Variants in TMX3 observed in about 807,000 individuals in gnomAD.
TMX3 encodes thioredoxin related transmembrane protein 3, also known as protein disulfide-isomerase TMX3.
In TMX3, 40 loss-of-function variants were observed where a neutral mutation model predicts 64.4. That is an observed-to-expected ratio of 0.62 (90% CI 0.48 to 0.81). The LOEUF (loss-of-function observed/expected upper bound fraction) is 0.81, where lower values mean the gene tolerates loss of function less well. Among genes scored for constraint, TMX3 ranks in the 30% least tolerant of loss-of-function variants. The probability of loss-of-function intolerance (pLI) is 0.00; values close to 1 mark genes in which losing one functional copy is unlikely to be tolerated. For missense variants in TMX3, 497 were observed against 534.5 expected, an observed-to-expected ratio of 0.93 and a Z score of 0.69; for synonymous variants, 189 against 175.7, an observed-to-expected ratio of 1.08 and a Z score of -0.60.
intron 10 of TMX3, among the ~76,000 whole-genome samples, chr18:68,686,018 T>A (rs1913915948): frequency 2.0e-5 from 3 of 151,994 alleles, no homozygotes; most frequent in Admixed American, 1.3e-4. Context: ...TAAAAGAAAC[T>A]AAAAGGTTAG....
At chr18:68,681,170 T>C (rs912715745) in intron 13 of TMX3, 60 bp from the exon 14 acceptor site, 5 of 1,333,038 alleles carry the variant, frequency 3.8e-6, no homozygotes, top group Admixed American at 5.1e-5. Flanking sequence ...AGTATTCTGA[T>C]ATTCATTTAT....
intron 7 of TMX3, 141 bp downstream of exon 7, chr18:68,697,791 T>C: frequency 3.5e-6 from 2 of 570,794 alleles, no homozygotes; most frequent in Non-Finnish European, 6.0e-6. Context: ...GAAGTGTTTT[T>C]ATTATAAGAA....
rs1207411557 is a variant in TMX3 at position 68,674,101 on chromosome 18, C to T, written c.*2832G>A. 4 of 152,074 alleles carry T rather than the reference C, an allele frequency of 2.6e-5. No homozygotes were observed. The highest frequency in any genetic ancestry group is 5.9e-5 in the Non-Finnish European group (4 of 67,992). The allele number at this position is 152,074 out of a possible 1,614,324, so 9.4% of individuals were successfully genotyped here. ...ACTAACAATATCCACTAAACAAAAA[C>T]AGTACTGCTAATTCACCTGCTCATA... On this transcript the variant is annotated 3_prime_UTR_variant, in exon 16 of 16. Transcript: ENST00000299608.
At position 68,687,674 on chromosome 18, in the gene TMX3, TC is replaced by T; in HGVS notation, c.728del (p.Gly243GlufsTer24). The stretch of plus-strand genomic sequence containing the variant: ...TGTACATATGCTTGTTACCTGTGTC[TC>T]CAAGTTCATACAAGAGGAAGCCATC... ...AMDGFLLYEL[G>X]DTGKLVALAV... On this transcript the variant is annotated frameshift_variant, in exon 10 of 16. Coordinates refer to ENST00000299608, the MANE Select transcript of TMX3 (RefSeq NM_019022.5). LOFTEE classifies it high-confidence loss of function. 3.7e-6 allele frequency: 6 copies of T among 1,609,412 alleles called. No individual in the cohort carries two copies. Among genetic ancestry groups the T allele is most frequent in the Non-Finnish European group, 5.1e-6 (6 of 1,178,164 alleles).
chr18:68,714,671 A>G (rs2031731455), intron 1 of TMX3, among the ~76,000 whole-genome samples: 5 of 152,240 alleles, frequency 3.3e-5, no homozygotes, highest in Admixed American at 3.3e-4. Context: ...CTTCTGCCAC[A>G]ATGAGAAAAA....
chr18:68,686,214 A>G (rs1198232548), intron 10 of TMX3, among the ~76,000 whole-genome samples: 1 of 152,176 alleles, frequency 6.6e-6, no homozygotes, highest in African/African-American at 2.4e-5. Context: ...CTGATGCCTA[A>G]CAGGGGCAAT....
At chr18:68,684,120 G>C in intron 12 of TMX3, 70 bp downstream of exon 12, 3 of 1,138,108 alleles carry the variant, frequency 2.6e-6, no homozygotes, top group Non-Finnish European at 2.6e-6. Flanking sequence ...ATACTACTAA[G>C]TTTGCTTTAC....
intron 8 of TMX3, chr18:68,696,936 T>A: frequency 3.8e-6 from 1 of 261,572 alleles, no homozygotes; most frequent in Non-Finnish European, 7.3e-6. Context: ...TGTAAGCCAA[T>A]TTAGGAGTTT....
intron 14 of TMX3, among the ~76,000 whole-genome samples, chr18:68,680,327 C>G (rs1377170785): frequency 6.6e-6 from 1 of 152,088 alleles, no homozygotes; most frequent in African/African-American, 2.4e-5. Context: ...AAGATGCATG[C>G]TGGTCACAAC....
intron 5 of TMX3, chr18:68,701,096 T>A: frequency 1.1e-6 from 1 of 887,716 alleles, no homozygotes; most frequent in Non-Finnish European, 1.3e-6. Context: ...ATGATTTACT[T>A]AACACAAAAA....
chr18:68,690,054 CTG>C (rs1343398894), intron 9 of TMX3: 1 of 152,166 alleles, frequency 6.6e-6, no homozygotes, highest in African/African-American at 2.4e-5. Context: ...AGTCTTATGA[CTG>C]TCAAAACAAT....
At chr18:68,681,263 T>G (rs1348606677) in intron 13 of TMX3, 153 bp from the exon 14 acceptor site, 1 of 673,552 alleles carries the variant, frequency 1.5e-6, no homozygotes, top group African/African-American at 1.9e-5. Flanking sequence ...GACCTAGTAT[T>G]TACGTGTATT....
chr18:68,697,360 T>G, intron 7 of TMX3, 57 bp from the exon 8 acceptor site: 10 of 944,620 alleles, frequency 1.1e-5, no homozygotes, highest in African/African-American at 1.7e-5. Flanking sequence ...CCAAAATTCA[T>G]TCCTCATTAA....
chr18:68,714,840 C>T, intron 1 of TMX3, 96 bp downstream of exon 1: 1 of 1,500,498 alleles, frequency 6.7e-7, no homozygotes, highest in East Asian at 2.6e-5. Context: ...CCACGAACCC[C>T]GCAGGCCTCG....
chr18:68,695,368 T>C (rs1457815347), intron 8 of TMX3, among the ~76,000 whole-genome samples: 2 of 152,160 alleles, frequency 1.3e-5, no homozygotes, highest in African/African-American at 4.8e-5. Flanking sequence ...CCTTAAAAAA[T>C]TGCTTCCCAT....
intron 4 of TMX3, among the ~76,000 whole-genome samples, chr18:68,703,958 T>TA (rs899299794): frequency 2.0e-5 from 3 of 151,004 alleles, no homozygotes; most frequent in African/African-American, 4.9e-5. Flanking sequence ...AACAAAAATT[T>TA]AAAAAAAAGC....
At chr18:68,713,176 T>G (rs1004437792) in intron 2 of TMX3, among the ~76,000 whole-genome samples, 1 of 152,078 alleles carries the variant, frequency 6.6e-6, no homozygotes, top group Non-Finnish European at 1.5e-5. Context: ...AGAAAAGGAC[T>G]AGAGTAGAAA....
intron 9 of TMX3, among the ~76,000 whole-genome samples, chr18:68,690,785 T>A (rs1400716358): frequency 6.6e-6 from 1 of 152,192 alleles, no homozygotes; most frequent in Non-Finnish European, 1.5e-5. Flanking sequence ...TTCTCTTTAC[T>A]ACGATGTATG....
chr18:68,704,364 A>G (rs1465380604), intron 4 of TMX3, among the ~76,000 whole-genome samples: 1 of 152,260 alleles, frequency 6.6e-6, no homozygotes, highest in East Asian at 1.9e-4. Context: ...AAGAAACTAA[A>G]ATAGGAAGAT....
Sources: gnomAD v4.1 joint callset for allele counts (sites outside exome capture counted in the v4.1 genomes callset) on GRCh38, gnomAD v4.1.1 for gene constraint, MANE v1.5 for transcripts, NCBI Gene and HGNC (gene_info 2026-07-23, HGNC 2026-07-21) for gene names.